The following CD82 variants were observed in gnomAD, a reference collection of about 807,000 sequenced individuals.
The protein encoded by CD82 is CD82 antigen.
In CD82, 36 loss-of-function variants were observed where a neutral mutation model predicts 37.4. The ratio of observed to expected loss-of-function variants is 0.96; its 90% CI spans 0.74 to 1.27. The LOEUF is 1.27. Ranked by LOEUF, CD82 falls within the 50% of genes most tolerant of loss-of-function variation. The probability of loss-of-function intolerance (pLI) is 0.00; values close to 1 mark genes in which losing one functional copy is unlikely to be tolerated. For missense variants in CD82, 340 were observed against 347.0 expected, an observed-to-expected ratio of 0.98 and a Z score of 0.16; for synonymous variants, 158 against 137.4, an observed-to-expected ratio of 1.15 and a Z score of -1.05.
intron 1 of CD82, among the ~76,000 whole-genome samples, chr11:44,573,882 G>A (rs1189558043): frequency 6.6e-6 from 1 of 152,150 alleles, no homozygotes; most frequent in East Asian, 1.9e-4. Context: ...GTTTTTATGA[G>A]GATTAAATGA....
intron 6 of CD82, among the ~76,000 whole-genome samples, chr11:44,608,686 G>A (rs1473784317): frequency 6.6e-6 from 1 of 152,226 alleles, no homozygotes; most frequent in Non-Finnish European, 1.5e-5. Context: ...AACTAATTTG[G>A]TGGCAAAATT....
chr11:44,616,493 A>C (rs1853566349), intron 7 of CD82, among the ~76,000 whole-genome samples: 1 of 152,190 alleles, frequency 6.6e-6, no homozygotes, highest in Admixed American at 6.5e-5. Flanking sequence ...GGTGGTAAGC[A>C]TCCTACCCTG....
intron 3 of CD82, among the ~76,000 whole-genome samples, chr11:44,596,234 AAGC>A (rs1853224852): frequency 6.6e-6 from 1 of 152,196 alleles, no homozygotes; most frequent in Non-Finnish European, 1.5e-5. Flanking sequence ...GGACTTTGGG[AAGC>A]AGCTGCCTGT....
At chr11:44,579,787 C>T (rs1456293507) in intron 1 of CD82, among the ~76,000 whole-genome samples, 1 of 152,196 alleles carries the variant, frequency 6.6e-6, no homozygotes, top group South Asian at 2.1e-4. Flanking sequence ...AGGCCCAGAT[C>T]TCCGCAGTAG....
intron 1 of CD82, among the ~76,000 whole-genome samples, chr11:44,577,483 G>T (rs1852913983): frequency 6.6e-6 from 1 of 152,044 alleles, no homozygotes; most frequent in African/African-American, 2.4e-5. Context: ...TAACTCCCCA[G>T]TGAGGCATGA....
In CD82 at chr11:44,576,335, G is replaced by C. The variant is rs190973434; in HGVS notation, c.-103+10599G>C. Among the ~76,000 whole-genome samples the C allele has an allele frequency of 3.3e-4, 50 of 152,312 alleles. No individual in the cohort carries two copies. The East Asian group carries it at 7.7e-3, about 24-fold the overall frequency. ...GTCAGGTCAGCCACCCCAGGTAGGG[G>C]TTAACATCAGGTCCCATTGTACAGA... is the stretch of plus-strand genomic sequence containing the variant. On this transcript the variant is annotated intron_variant, in intron 1 of 9. Transcript: ENST00000227155.
At chr11:44,572,639 G>C (rs1409397994) in intron 1 of CD82, among the ~76,000 whole-genome samples, 1 of 152,184 alleles carries the variant, frequency 6.6e-6, no homozygotes, top group Admixed American at 6.5e-5. Context: ...GATATGAATA[G>C]GAGTGTAATC....
intron 6 of CD82, among the ~76,000 whole-genome samples, chr11:44,610,840 T>C (rs1853470536): frequency 6.6e-6 from 1 of 152,170 alleles, no homozygotes; most frequent in Non-Finnish European, 1.5e-5. Context: ...TCTTTTTTTT[T>C]TCTTTTCTTT....
chr11:44,618,989 G>A, intron 9 of CD82, 60 bp from the exon 10 acceptor site: 1 of 1,414,234 alleles, frequency 7.1e-7, no homozygotes, highest in Non-Finnish European at 1.0e-6. Flanking sequence ...GGATGGTGAG[G>A]CTGGGGCGTC....
intron 3 of CD82, 126 bp downstream of exon 3, chr11:44,594,851 G>T: frequency 1.3e-6 from 1 of 761,182 alleles, no homozygotes; most frequent in Non-Finnish European, 2.3e-6. Flanking sequence ...AGGGACTGAG[G>T]ACGAACTATC....
intron 6 of CD82, among the ~76,000 whole-genome samples, chr11:44,613,990 G>T (rs1430461843): frequency 4.6e-5 from 7 of 151,402 alleles, no homozygotes; most frequent in Admixed American, 3.3e-4. Flanking sequence ...TTTGTTTTTT[G>T]TTGTTGTTGT....
rs191477895 is a variant in CD82, at chr11:44,582,614, A to G, written c.-102-4861A>G. On this transcript the variant is annotated intron_variant, in intron 1 of 9. Transcript: ENST00000227155. ...GATCTCTCTCAGGGCCCGTACTATC[A>G]TCTGCTTCATTATTCTATCTCCAGT... Among the ~76,000 whole-genome samples the G allele has an allele frequency of 1.8e-3, 276 of 152,312 alleles. 5 individuals carry two copies. The highest frequency in any genetic ancestry group is 0.017 in the Admixed American group (254 of 15,304).
At chr11:44,604,501 A>G (rs1295865068) in intron 4 of CD82, 1 of 163,964 alleles carries the variant, frequency 6.1e-6, no homozygotes, top group Non-Finnish European at 1.4e-5. Context: ...CATGAGGCAC[A>G]GTGAGTGGGC....
At chr11:44,572,910 T>C (rs536208080) in intron 1 of CD82, among the ~76,000 whole-genome samples, 9 of 151,828 alleles carry the variant, frequency 5.9e-5, no homozygotes, top group East Asian at 5.8e-4. Context: ...CCTGGCAGAG[T>C]TACCCGTCCC....
At chr11:44,594,028 A>C (rs547036362) in intron 2 of CD82, among the ~76,000 whole-genome samples, 2 of 152,216 alleles carry the variant, frequency 1.3e-5, no homozygotes, top group African/African-American at 4.8e-5. Context: ...AATAATAGCT[A>C]CTAAAACGAT....
At chr11:44,585,223 G>T (rs1408657956) in intron 1 of CD82, 3 of 456,266 alleles carry the variant, frequency 6.6e-6, no homozygotes, top group South Asian at 4.6e-5. Flanking sequence ...ACTGGATCAG[G>T]CCTCAGAGGG....
rs962018214 is a variant in CD82 at position 44,618,290 on chromosome 11, G to A, written c.567G>A (p.Arg189=). 1.9e-6 allele frequency: 3 copies of A among 1,613,896 alleles called. No homozygotes were observed. Among genetic ancestry groups the A allele is most frequent in the Non-Finnish European group, 2.5e-6 (3 of 1,180,020 alleles). ...AAGAGGACAACAGCCTTTCTGTGAGGAAGGGCTTCTGCGAGGCCCCCGGCA... is the reference window on the plus strand; with the variant it reads ...AAGAGGACAACAGCCTTTCTGTGAGAAAGGGCTTCTGCGAGGCCCCCGGCA... ...KGEEDNSLSV[R]KGFCEAPGNR... is the part of the protein sequence containing the mutation. The change falls in exon 8 of 10, where the codon AGG becomes AGA. Residue 189 remains arginine (R), a synonymous_variant. Transcript: ENST00000227155.
chr11:44,593,211 G>A (rs1258921578), intron 2 of CD82, among the ~76,000 whole-genome samples: 1 of 152,242 alleles, frequency 6.6e-6, no homozygotes, highest in Non-Finnish European at 1.5e-5. Context: ...TGTAGCCGGG[G>A]AAATTGAAGA....
At chr11:44,574,739 G>A (rs952062179) in intron 1 of CD82, among the ~76,000 whole-genome samples, 1 of 152,146 alleles carries the variant, frequency 6.6e-6, no homozygotes, top group African/African-American at 2.4e-5. Flanking sequence ...GATTGGGATT[G>A]TACCACACAA....
Sources: allele counts gnomAD v4.1 joint callset (sites outside exome capture counted in the v4.1 genomes callset), GRCh38; gene constraint gnomAD v4.1.1; transcripts MANE v1.5; gene names NCBI Gene and HGNC (gene_info 2026-07-23, HGNC 2026-07-21).